The following ATP2B2 variants were observed in gnomAD, a reference collection of about 807,000 sequenced individuals.
ATP2B2 encodes plasma membrane calcium-transporting ATPase 2.
A neutral mutation model predicts 120.0 loss-of-function variants in ATP2B2; 15 were observed. The ratio of observed to expected loss-of-function variants is 0.12; its 90% CI spans 0.08 to 0.19. The LOEUF (loss-of-function observed/expected upper bound fraction) is 0.19, where lower values mean the gene tolerates loss of function less well. Among genes scored for constraint, ATP2B2 ranks in the 10% least tolerant of loss-of-function variants. ATP2B2 has a pLI of 1.00. For synonymous variants in ATP2B2, 694 were observed against 700.3 expected (o/e 0.99, Z 0.14); for missense variants, 1,045 against 1,719.8 (o/e 0.61, Z 6.94).
intron 6 of ATP2B2, 99 bp downstream of exon 6, chr3:10,388,178 G>A (rs1268955053): frequency 1.9e-6 from 3 of 1,571,748 alleles, no homozygotes; most frequent in African/African-American, 1.4e-5. Context: ...TGCGGACGTA[G>A]AAGGCACTCA....
At chr3:10,653,241 C>G (rs2070514314) in intron 1 of ATP2B2, among the ~76,000 whole-genome samples, 3 of 152,230 alleles carry the variant, frequency 2.0e-5, no homozygotes, top group African/African-American at 7.2e-5. Flanking sequence ...ACCAGGCCAG[C>G]CACCAATGAC....
chr3:10,438,305 A>G (rs879560869), intron 2 of ATP2B2, among the ~76,000 whole-genome samples: 10 of 151,920 alleles, frequency 6.6e-5, no homozygotes, highest in Non-Finnish European at 8.8e-5. Flanking sequence ...CCCAGGGAAC[A>G]CTCCATTCTG....
intron 1 of ATP2B2, among the ~76,000 whole-genome samples, chr3:10,690,307 G>A (rs2071628576): frequency 2.6e-5 from 4 of 152,118 alleles, no homozygotes; most frequent in South Asian, 2.1e-4. Context: ...ACAGCGCCCC[G>A]TCATCCTCCT....
rs149083195 is a variant in ATP2B2, at chr3:10,544,024, CCACCA to C, written c.-414-9896_-414-9892del. On this transcript the variant is annotated intron_variant, in intron 2 of 21. Transcript: ENST00000646379. ...AAAGTGCTAGGATTATAGGCGTAAGCCACCACACCTGGCCCTGTTCTTCATAATTT... is the reference window on the plus strand; with the variant it reads ...AAAGTGCTAGGATTATAGGCGTAAGCCACCTGGCCCTGTTCTTCATAATTT... Among the ~76,000 whole-genome samples, 538 of 152,298 alleles carry C rather than the reference CCACCA, an allele frequency of 3.5e-3. 22 individuals are homozygous for C. In the East Asian group the frequency reaches 0.094, roughly 27 times the overall value.
chr3:10,415,443 C>T (rs1185440205), intron 2 of ATP2B2, among the ~76,000 whole-genome samples: 3 of 152,102 alleles, frequency 2.0e-5, no homozygotes, highest in East Asian at 1.9e-4. Flanking sequence ...GCAGACAAGC[C>T]ACTTCTCTTC....
chr3:10,690,700 G>A (rs2125713457), intron 1 of ATP2B2, among the ~76,000 whole-genome samples: 1 of 152,260 alleles, frequency 6.6e-6, no homozygotes, highest in Non-Finnish European at 1.5e-5. Context: ...GAGTGCACCA[G>A]GGCTGTGTGG....
chr3:10,539,188 G>C lies in ATP2B2; in HGVS notation c.-414-5055C>G, dbSNP rs145749223. On this transcript the variant is annotated intron_variant, in intron 2 of 21. Transcript: ENST00000646379. ...AAGGGATGTGAAGGACCTCTTCAAG[G>C]AGAACTACAAACCACTGCTCAATGA... is the stretch of plus-strand genomic sequence containing the variant. Among the ~76,000 whole-genome samples the C allele has an allele frequency of 0.014, 2,090 of 152,248 alleles. 139 individuals carry two copies. The East Asian group carries it at 0.2, about 14-fold the overall frequency.
chr3:10,657,486 TG>T (rs1324073127), intron 1 of ATP2B2, among the ~76,000 whole-genome samples: 1 of 152,120 alleles, frequency 6.6e-6, no homozygotes, highest in African/African-American at 2.4e-5. Flanking sequence ...CCACCAGTGG[TG>T]GGGCATTCAA....
rs114214287 is a variant in ATP2B2 at position 10,343,813 on chromosome 3, C to T, written c.2704-848G>A. ...ACTCCCACTTGTAATCCTGACCCCA[C>T]TCTCCTGGTCGTCGTCCTCCCTTCC... On this transcript the variant is annotated intron_variant, in intron 18 of 22. Coordinates refer to ENST00000360273, the MANE Select transcript of ATP2B2 (RefSeq NM_001001331.4). This position sits in a 1 kb window ranked among gnomAD's most constrained non-coding sequence, Gnocchi z 4.2. Among the ~76,000 whole-genome samples the T allele has an allele frequency of 1.0e-3, 159 of 152,264 alleles. 2 individuals are homozygous for T. The highest frequency in any genetic ancestry group is 3.7e-3 in the African/African-American group (154 of 41,534).
At chr3:10,657,286 T>G (rs1380862922) in intron 1 of ATP2B2, among the ~76,000 whole-genome samples, 1 of 152,220 alleles carries the variant, frequency 6.6e-6, no homozygotes, top group Non-Finnish European at 1.5e-5. Flanking sequence ...TCCCTCTTCC[T>G]ACAATGCCAT....
At chr3:10,657,948 C>T (rs932562864) in intron 1 of ATP2B2, among the ~76,000 whole-genome samples, 5 of 152,338 alleles carry the variant, frequency 3.3e-5, no homozygotes, top group South Asian at 2.1e-4. Context: ...GCAATATTCG[C>T]TGTTCTGCAG....
At chr3:10,380,723 G>A (rs2061509094) in intron 8 of ATP2B2, among the ~76,000 whole-genome samples, 1 of 152,168 alleles carries the variant, frequency 6.6e-6, no homozygotes, top group African/African-American at 2.4e-5. Context: ...GCACTGCTGC[G>A]ACAGGGTTCC....
chr3:10,694,276 C>T (rs563689813), intron 1 of ATP2B2, among the ~76,000 whole-genome samples: 1 of 152,352 alleles, frequency 6.6e-6, no homozygotes, highest in African/African-American at 2.4e-5. Context: ...TCAACTGGAC[C>T]ATCACCACAA....
intron 1 of ATP2B2, among the ~76,000 whole-genome samples, chr3:10,678,942 T>G (rs1559517751): frequency 1.3e-5 from 2 of 152,122 alleles, no homozygotes; most frequent in African/African-American, 4.8e-5. Flanking sequence ...TTCCAATCAG[T>G]TGACTTTAAG....
At chr3:10,656,316 G>A (rs941451624) in intron 1 of ATP2B2, among the ~76,000 whole-genome samples, 1 of 152,174 alleles carries the variant, frequency 6.6e-6, no homozygotes, top group Admixed American at 6.5e-5. Context: ...GACTGAGCAT[G>A]GGGAGAAGTG....
At chr3:10,532,998 T>C (rs2067241624) in intron 3 of ATP2B2, among the ~76,000 whole-genome samples, 1 of 152,182 alleles carries the variant, frequency 6.6e-6, no homozygotes, top group Non-Finnish European at 1.5e-5. Context: ...AACTCTAAGC[T>C]CTGGCTCCGA....
At chr3:10,459,397 G>A (rs987767128) in intron 1 of ATP2B2, among the ~76,000 whole-genome samples, 4 of 152,236 alleles carry the variant, frequency 2.6e-5, no homozygotes, top group African/African-American at 7.2e-5. Context: ...GGAACATGCC[G>A]TGGGAATGCT....
At chr3:10,385,458 C>G in intron 7 of ATP2B2, 131 bp from the exon 8 acceptor site, 1 of 760,938 alleles carries the variant, frequency 1.3e-6, no homozygotes, top group Non-Finnish European at 2.2e-6. Context: ...CCTTTGGAAA[C>G]CAAGAAACTC....
chr3:10,429,842 C>T (rs2063259107), intron 2 of ATP2B2, among the ~76,000 whole-genome samples: 1 of 152,168 alleles, frequency 6.6e-6, no homozygotes, highest in South Asian at 2.1e-4. Flanking sequence ...CCGTGAACAC[C>T]TGAATGATAA....
Sources: allele counts gnomAD v4.1 joint callset (sites outside exome capture counted in the v4.1 genomes callset), GRCh38; gene constraint gnomAD v4.1.1; non-coding constraint Gnocchi (gnomAD v3.1); transcripts MANE v1.5; gene names NCBI Gene and HGNC (gene_info 2026-07-23, HGNC 2026-07-21).